TMEM222: variants seen among roughly 807,000 people sequenced by gnomAD.
TMEM222 encodes transmembrane protein 222, also known as chromosome 1 open reading frame 160.
Under a neutral mutation model 25.1 loss-of-function variants are expected in TMEM222, and 18 were observed. The observed-to-expected ratio is 0.72, with a 90% CI of 0.50 to 1.06. The LOEUF is 1.06. Ranked by LOEUF, TMEM222 falls within the 50% of genes least tolerant of loss-of-function variation. The pLI is 0.00. For missense variants in TMEM222, 296 were observed against 293.7 expected (o/e 1.01, Z -0.06); for synonymous variants, 131 against 117.9 (o/e 1.11, Z -0.72).
At chr1:27,332,549 G>A (rs539274063) in intron 3 of TMEM222, 5 of 717,306 alleles carry the variant, frequency 7.0e-6, no homozygotes, top group African/African-American at 5.2e-5. Context: ...AATAAAAACC[G>A]TTCAACCTTC....
chr1:27,335,065 A>C, intron 5 of TMEM222: 1 of 425,216 alleles, frequency 2.4e-6, no homozygotes. Context: ...TGGAGACCCT[A>C]GAGGTAGGTG....
chr1:27,322,259 TG>T lies in TMEM222; in HGVS notation c.64del (p.Ala22ArgfsTer13). ...LLPPPPPPPR[M>X]AEVEAPTAAE... is the part of the protein sequence containing the mutation. ...CCGCCGCCGCCACCCCCGCCCAGGA[TG>T]GCGGAAGTGGAGGCGCCGACGGCGG... On this transcript the variant is annotated frameshift_variant, in exon 1 of 6. Transcript: ENST00000374076. LOFTEE classifies it high-confidence loss of function. The T allele has an allele frequency of 6.5e-7, 1 of 1,539,312 alleles. No homozygotes were observed. Among genetic ancestry groups the T allele is most frequent in the Non-Finnish European group, 8.8e-7 (1 of 1,139,850 alleles).
chr1:27,327,862 CT>C (rs2014390012), intron 1 of TMEM222, among the ~76,000 whole-genome samples: 1 of 152,246 alleles, frequency 6.6e-6, no homozygotes, highest in African/African-American at 2.4e-5. Context: ...CTGCCTTGGC[CT>C]TCCAAAGTGC....
In TMEM222 at chr1:27,322,216, A is replaced by C. The variant is rs1187615446; in HGVS notation, c.19A>C (p.Ser7Arg). 2.1e-6 allele frequency: 3 copies of C among 1,422,770 alleles called. No homozygotes were observed. The highest frequency in any genetic ancestry group is 2.8e-6 in the Non-Finnish European group (3 of 1,079,608). The allele number at this position is 1,422,770 out of a possible 1,614,324, so 88.1% of individuals were successfully genotyped here. ...GCGCCGCATGGCGGAAGCGGAAGGG[A>C]GTTCTCTGCTCTTGTTGCCGCCGCC... MAEAEG[S>R]SLLLLPPPPP... The change falls in exon 1 of 6, where the codon AGT (serine) becomes CGT (arginine). Residue 7 changes from serine to arginine, a missense_variant. By Grantham distance (110) the Ser-to-Arg change is moderately radical (BLOSUM62 -1). Transcript: ENST00000374076.
Position 27,334,248 on chromosome 1 carries a change from GCTT to G in TMEM222, c.512_514del (p.Phe171del), listed in dbSNP as rs1214678266. ...ACCAACTGGAATATGGTGACGCTCT[GCTT>G]CTTCTGCCTGCTCTACGGGAAGTAC... On this transcript the variant is annotated inframe_deletion, in exon 5 of 6. Coordinates refer to ENST00000374076, the MANE Select transcript of TMEM222 (RefSeq NM_032125.3). 2.5e-6 allele frequency: 4 copies of G among 1,614,126 alleles called. No individual in the cohort carries two copies. The highest frequency in any genetic ancestry group is 4.5e-5 in the East Asian group (2 of 44,906).
intron 1 of TMEM222, among the ~76,000 whole-genome samples, chr1:27,326,675 T>C (rs577399603): frequency 6.6e-6 from 1 of 152,310 alleles, no homozygotes; most frequent in African/African-American, 2.4e-5. Flanking sequence ...TTGTCACCAT[T>C]TTATAGATGA....
intron 1 of TMEM222, among the ~76,000 whole-genome samples, chr1:27,327,608 C>T (rs937531423): frequency 1.3e-5 from 2 of 152,176 alleles, no homozygotes; most frequent in Non-Finnish European, 2.9e-5. Context: ...AGGCTGGTCT[C>T]GAACTCCTGA....
intron 3 of TMEM222, 116 bp downstream of exon 3, chr1:27,332,217 CG>C: frequency 7.7e-7 from 1 of 1,296,014 alleles, no homozygotes; most frequent in Non-Finnish European, 1.1e-6. Context: ...TATTTGGGGT[CG>C]GGGGAGAGGT....
At chr1:27,329,425 A>G (rs940381069) in intron 1 of TMEM222, among the ~76,000 whole-genome samples, 1 of 152,120 alleles carries the variant, frequency 6.6e-6, no homozygotes, top group African/African-American at 2.4e-5. Flanking sequence ...CTCTAGCCAT[A>G]GATCAGTCTT....
At position 27,333,978 on chromosome 1, in the gene TMEM222, C is replaced by T. The variant is rs370448106; in HGVS notation, c.332C>T (p.Ala111Val). Residue 111 changes from alanine (A) to valine (V), a missense_variant, in exon 4 of 6, where the codon GCT becomes GTT. Physicochemically the swap from Ala to Val is moderately conservative, Grantham distance 64. Coordinates refer to ENST00000374076, the MANE Select transcript of TMEM222 (RefSeq NM_032125.3). The part of the protein sequence containing the change: ...KPAKYWKLDP[A>V]QVYASGPNAW... ...CCCAGGTACTGGAAGTTGGACCCTG[C>T]TCAGGTCTATGCTAGCGGGCCCAAC... 1.2e-5 allele frequency: 20 copies of T among 1,614,022 alleles called. No homozygotes were observed. Among genetic ancestry groups the T allele is most frequent in the Admixed American group, 1.7e-5 (1 of 60,002 alleles).
At chr1:27,329,867 C>A (rs1317374193) in intron 1 of TMEM222, among the ~76,000 whole-genome samples, 5 of 152,072 alleles carry the variant, frequency 3.3e-5, no homozygotes, top group African/African-American at 1.2e-4. Flanking sequence ...TTTGGGAGGC[C>A]GAGGCAGGCA....
chr1:27,327,436 T>C (rs1202995895), intron 1 of TMEM222, among the ~76,000 whole-genome samples: 1 of 152,214 alleles, frequency 6.6e-6, no homozygotes, highest in African/African-American at 2.4e-5. Flanking sequence ...TCACCCAGGC[T>C]GGAATGCAGT....
At chr1:27,326,184 TG>T (rs2148013392) in intron 1 of TMEM222, among the ~76,000 whole-genome samples, 1 of 152,316 alleles carries the variant, frequency 6.6e-6, no homozygotes, top group Admixed American at 6.5e-5. Flanking sequence ...CTGAGTGTTC[TG>T]GGATTTCTCT....
rs765908269 is a variant in TMEM222, at chr1:27,322,334, A to C, written c.137A>C (p.Asp46Ala). The C allele has an allele frequency of 6.5e-7, 1 of 1,541,924 alleles. No individual in the cohort carries two copies. Among genetic ancestry groups the C allele is most frequent in the South Asian group, 1.2e-5 (1 of 83,250 alleles). ...QYQGSGGVAM[D>A]VERSRFPYCV... Reference sequence around the variant, plus strand: ...CAAGGCTCCGGCGGCGTCGCCATGGATGTGGAACGGAGTCGCTTCCCCTAC... The same window carrying C: ...CAAGGCTCCGGCGGCGTCGCCATGGCTGTGGAACGGAGTCGCTTCCCCTAC... Residue 46 changes from aspartate to alanine, a missense_variant, in exon 1 of 6, where the codon GAT (aspartate) becomes GCT (alanine). Coordinates refer to ENST00000374076, the MANE Select transcript of TMEM222 (RefSeq NM_032125.3).
At position 27,334,267 on chromosome 1, in the gene TMEM222, C is replaced by T. The variant is rs142449094; in HGVS notation, c.525C>T (p.Tyr175=). ...CGCTCTGCTTCTTCTGCCTGCTCTA[C>T]GGGAAGTACGTCAGGTGAGCTGCCC... ...MVTLCFFCLL[Y]GKYVSVGAFV... Residue 175 remains tyrosine, a synonymous_variant, in exon 5 of 6, where the codon TAC becomes TAT. Transcript: ENST00000374076. The T allele has an allele frequency of 2.8e-5, 46 of 1,614,102 alleles. No homozygotes were observed. The East Asian group carries it at 3.6e-4, about 13-fold the overall frequency.
At chr1:27,333,870 C>CG in intron 3 of TMEM222, 88 bp from the exon 4 acceptor site, 2 of 1,226,664 alleles carry the variant, frequency 1.6e-6, no homozygotes, top group Non-Finnish European at 2.3e-6. Context: ...AGCTCAGGCC[C>CG]GGGCACAGGG....
intron 1 of TMEM222, among the ~76,000 whole-genome samples, chr1:27,324,012 A>C (rs1183897345): frequency 6.6e-6 from 1 of 152,196 alleles, no homozygotes; most frequent in East Asian, 1.9e-4. Flanking sequence ...AGTGCTGTGA[A>C]GAAAATAAAA....
intron 5 of TMEM222, 93 bp from the exon 6 acceptor site, chr1:27,335,286 G>C: frequency 7.9e-7 from 1 of 1,271,406 alleles, no homozygotes; most frequent in Non-Finnish European, 1.1e-6. Flanking sequence ...AGGGATGGCA[G>C]CCCTATTGGG....
At position 27,334,608 on chromosome 1, in the gene TMEM222, G is replaced by A. The variant is rs570610921; in HGVS notation, c.539+327G>A. On this transcript the variant is annotated intron_variant, in intron 5 of 5. Transcript: ENST00000374076. ...TCCGGCTCCTCAGGGAGGCTTCTAC[G>A]GATCCCTGTGCTCCGGTAAAGTGAG... 1.9e-5 allele frequency: 27 copies of A among 1,440,798 alleles called. No individual in the cohort carries two copies. In the South Asian group the frequency reaches 2.0e-4, roughly 11 times the overall value. The allele number at this position is 1,440,798 out of a possible 1,614,324, so 89.3% of individuals were successfully genotyped here.
Sources: allele counts gnomAD v4.1 joint callset (sites outside exome capture counted in the v4.1 genomes callset), GRCh38; gene constraint gnomAD v4.1.1; transcripts MANE v1.5; gene names NCBI Gene and HGNC (gene_info 2026-07-23, HGNC 2026-07-21).